The following CPNE4 variants were observed in gnomAD, a reference collection of about 807,000 sequenced individuals.
CPNE4 encodes the protein copine-4.
CPNE4 carries 25 observed loss-of-function variants against 67.9 expected under a neutral mutation model. The observed-to-expected ratio is 0.37, with a 90% CI of 0.27 to 0.51. The LOEUF (loss-of-function observed/expected upper bound fraction) is 0.51, where lower values mean the gene tolerates loss of function less well. Ranked by LOEUF, CPNE4 falls within the 20% of genes least tolerant of loss-of-function variation. The pLI is 0.93. For missense variants in CPNE4, 464 were observed against 690.8 expected (o/e 0.67, Z 3.68); for synonymous variants, 242 against 244.9 (o/e 0.99, Z 0.11).
chr3:131,975,228 C>T (rs2072615556), intron 1 of CPNE4, among the ~76,000 whole-genome samples: 1 of 152,074 alleles, frequency 6.6e-6, no homozygotes, highest in Non-Finnish European at 1.5e-5. Flanking sequence ...AACACTAAGC[C>T]TGCAAGTTAA....
chr3:131,819,234 A>G (rs2084862285), intron 2 of CPNE4, among the ~76,000 whole-genome samples: 1 of 152,168 alleles, frequency 6.6e-6, no homozygotes. Flanking sequence ...AACAAAACTG[A>G]GGGAAGAAAT....
At chr3:131,886,292 C>T (rs564527048) in intron 2 of CPNE4, among the ~76,000 whole-genome samples, 3 of 152,326 alleles carry the variant, frequency 2.0e-5, no homozygotes, top group East Asian at 1.9e-4. Flanking sequence ...TGGCAGCTTC[C>T]ACGTGGTGTT....
intron 7 of CPNE4, among the ~76,000 whole-genome samples, chr3:131,627,773 T>C (rs896821365): frequency 6.6e-6 from 1 of 152,164 alleles, no homozygotes; most frequent in Non-Finnish European, 1.5e-5. Flanking sequence ...GTGGTAGAAA[T>C]AGCAAGAGAA....
At chr3:131,835,607 C>T (rs150720639) in intron 2 of CPNE4, among the ~76,000 whole-genome samples, 1 of 152,230 alleles carries the variant, frequency 6.6e-6, no homozygotes, top group African/African-American at 2.4e-5. Flanking sequence ...AGACAGAAGC[C>T]TTTTACCCTA....
At chr3:131,693,981 C>T (rs2081091355) in intron 5 of CPNE4, among the ~76,000 whole-genome samples, 1 of 152,124 alleles carries the variant, frequency 6.6e-6, no homozygotes, top group Admixed American at 6.6e-5. Flanking sequence ...AAATTTTCAT[C>T]TATAAAATAA....
intron 1 of CPNE4, among the ~76,000 whole-genome samples, chr3:131,915,130 C>T (rs190488918): frequency 6.6e-6 from 1 of 152,178 alleles, no homozygotes; most frequent in African/African-American, 2.4e-5. Flanking sequence ...ATAACTTATC[C>T]CAATGTCATA....
In CPNE4 at chr3:131,633,557, GCTGT is replaced by G. The variant is rs530443600; in HGVS notation, c.681+36114_681+36117del. 2.3e-3 allele frequency among the ~76,000 whole-genome samples: 354 copies of G among 152,092 alleles called. 1 individual carries two copies. Among genetic ancestry groups the G allele is most frequent in the African/African-American group, 7.2e-3 (298 of 41,456 alleles). The stretch of plus-strand genomic sequence containing the variant: ...CTAACTAAAAATTTTTTGAAAGTCT[GCTGT>G]CTAAGTAACTCATAAGTGAAGACAT... On this transcript the variant is annotated intron_variant, in intron 7 of 15. Coordinates refer to ENST00000429747, the MANE Select transcript of CPNE4 (RefSeq NM_130808.3).
At chr3:131,669,594 T>C in intron 7 of CPNE4, 81 bp downstream of exon 7, 1 of 1,178,544 alleles carries the variant, frequency 8.5e-7, no homozygotes, top group Non-Finnish European at 1.2e-6. Flanking sequence ...ATTTGGGGTT[T>C]GTCAATATTA....
chr3:131,834,834 A>G (rs1006978773), intron 2 of CPNE4, among the ~76,000 whole-genome samples: 1 of 152,202 alleles, frequency 6.6e-6, no homozygotes, highest in Admixed American at 6.5e-5. Flanking sequence ...TGTATAAAGT[A>G]AATATATAAA....
chr3:131,797,426 A>C (rs1305444749), intron 2 of CPNE4, among the ~76,000 whole-genome samples: 1 of 152,152 alleles, frequency 6.6e-6, no homozygotes, highest in Non-Finnish European at 1.5e-5. Context: ...TCATTTTGTC[A>C]CAGAGAACTC....
At chr3:131,978,201 TTATA>T (rs1158439965) in intron 1 of CPNE4, among the ~76,000 whole-genome samples, 4 of 53,436 alleles carry the variant, frequency 7.5e-5, no homozygotes, top group South Asian at 9.7e-4. Context: ...TTTATAATTA[TTATA>T]TATAATATAT....
At chr3:131,891,055 ATATT>A (rs2088093402) in intron 2 of CPNE4, among the ~76,000 whole-genome samples, 2 of 152,114 alleles carry the variant, frequency 1.3e-5, no homozygotes, top group African/African-American at 4.8e-5. Flanking sequence ...GTGTACTTAA[ATATT>A]TATTAAGAGG....
At chr3:131,893,243 A>G (rs2088186885) in intron 2 of CPNE4, among the ~76,000 whole-genome samples, 1 of 152,078 alleles carries the variant, frequency 6.6e-6, no homozygotes, top group Non-Finnish European at 1.5e-5. Context: ...GAAGAGCGTT[A>G]TAATAAAGGA....
chr3:131,674,938 A>G (rs7426952), intron 6 of CPNE4, among the ~76,000 whole-genome samples: 20,000 of 151,936 alleles, frequency 0.13, 1,731 homozygotes, highest in Middle Eastern at 0.22. Context: ...TGTCTGATAT[A>G]GGCATTTGTA....
chr3:131,924,988 T>A (rs1219868352), intron 1 of CPNE4, among the ~76,000 whole-genome samples: 1 of 152,192 alleles, frequency 6.6e-6, no homozygotes, highest in East Asian at 1.9e-4. Context: ...ATCCTGTTTT[T>A]CAGGCACAAG....
chr3:131,540,028 C>A (rs1285832977), intron 15 of CPNE4, among the ~76,000 whole-genome samples: 1 of 152,180 alleles, frequency 6.6e-6, no homozygotes, highest in Non-Finnish European at 1.5e-5. Flanking sequence ...AACTTTAGGG[C>A]TTAGTGCATC....
At chr3:131,611,290 C>T (rs1207502706) in intron 7 of CPNE4, among the ~76,000 whole-genome samples, 1 of 152,104 alleles carries the variant, frequency 6.6e-6, no homozygotes, top group African/African-American at 2.4e-5. Flanking sequence ...ATGCTAAGGA[C>T]CATTAAATTT....
At chr3:131,930,105 C>T (rs1487598678) in intron 1 of CPNE4, among the ~76,000 whole-genome samples, 2 of 152,132 alleles carry the variant, frequency 1.3e-5, no homozygotes, top group Non-Finnish European at 2.9e-5. Context: ...AAAGTATTGG[C>T]ACTTTCCAAT....
intron 2 of CPNE4, among the ~76,000 whole-genome samples, chr3:131,769,966 A>G (rs548446111): frequency 6.6e-6 from 1 of 152,296 alleles, no homozygotes; most frequent in Admixed American, 6.5e-5. Context: ...CTGGGCCCCA[A>G]AACACTCAAG....
Sources: allele counts gnomAD v4.1 joint callset (sites outside exome capture counted in the v4.1 genomes callset), GRCh38; gene constraint gnomAD v4.1.1; transcripts MANE v1.5; gene names NCBI Gene and HGNC (gene_info 2026-07-23, HGNC 2026-07-21).